The following GRIK1 variants were observed in gnomAD, a reference collection of about 807,000 sequenced individuals.
The protein encoded by GRIK1 is glutamate receptor ionotropic, kainate 1.
A neutral mutation model predicts 105.7 loss-of-function variants in GRIK1; 69 were observed. The observed-to-expected ratio is 0.65, with a 90% CI of 0.54 to 0.80. The LOEUF is 0.80. Ranked by LOEUF, GRIK1 falls within the 30% of genes least tolerant of loss-of-function variation. The probability of loss-of-function intolerance (pLI) is 0.00; values close to 1 mark genes in which losing one functional copy is unlikely to be tolerated. For synonymous variants in GRIK1, 438 were observed against 431.3 expected, an observed-to-expected ratio of 1.02 and a Z score of -0.19; for missense variants, 1,109 against 1,167.3, an observed-to-expected ratio of 0.95 and a Z score of 0.73.
intron 1 of GRIK1, among the ~76,000 whole-genome samples, chr21:29,855,865 AT>A (rs984434548): frequency 7.3e-5 from 11 of 151,632 alleles, no homozygotes; most frequent in Admixed American, 2.0e-4. Context: ...AATGGGAGAG[AT>A]TTTTTTTTCA....
intron 1 of GRIK1, among the ~76,000 whole-genome samples, chr21:29,773,872 TTAAAA>T (rs1569076885): frequency 6.6e-6 from 1 of 152,188 alleles, no homozygotes. Context: ...TTCATTCAAC[TTAAAA>T]TAATAGCAAA....
At chr21:29,842,366 A>G (rs1440186372) in intron 1 of GRIK1, among the ~76,000 whole-genome samples, 2 of 152,162 alleles carry the variant, frequency 1.3e-5, no homozygotes, top group Non-Finnish European at 2.9e-5. Context: ...CATTCTTAGG[A>G]ACATGGAGTG....
intron 1 of GRIK1, among the ~76,000 whole-genome samples, chr21:29,733,426 A>T (rs2064691092): frequency 6.6e-6 from 1 of 152,024 alleles, no homozygotes; most frequent in Non-Finnish European, 1.5e-5. Context: ...ATTTTTGCTA[A>T]ATTTGTATAT....
intron 13 of GRIK1, among the ~76,000 whole-genome samples, chr21:29,579,485 T>A (rs868015033): frequency 3.3e-5 from 5 of 152,208 alleles, no homozygotes; most frequent in South Asian, 2.1e-4. Flanking sequence ...CAGCCAATCC[T>A]GATCCAGACT....
At position 29,581,435 on chromosome 21, in the gene GRIK1, G is replaced by A; in HGVS notation, c.1902C>T (p.Leu634=). The change falls in exon 13 of 18, where the codon CTC becomes CTT. Residue 634 remains leucine (L), a synonymous_variant. Coordinates refer to ENST00000327783, the MANE Select transcript of GRIK1 (RefSeq NM_001330994.2). The part of the protein sequence containing the change: ...LNSFWFGVGA[L]MQQGSELMPK... ...AGGCAACCGGTGTACCTTGCTGCAT[G>A]AGAGCTCCAACTCCAAACCAGAAAC... 6.2e-7 allele frequency: 1 copy of A among 1,603,010 alleles called. No individual in the cohort carries two copies. The highest frequency in any genetic ancestry group is 8.5e-7 in the Non-Finnish European group (1 of 1,170,292).
At chr21:29,640,797 G>A (rs558066658) in intron 7 of GRIK1, among the ~76,000 whole-genome samples, 13 of 152,222 alleles carry the variant, frequency 8.5e-5, no homozygotes, top group Admixed American at 8.5e-4. Context: ...AATCAGGATG[G>A]CGATTCAGGA....
chr21:29,632,299 T>A (rs2062294866), intron 7 of GRIK1, among the ~76,000 whole-genome samples: 1 of 152,192 alleles, frequency 6.6e-6, no homozygotes, highest in Admixed American at 6.5e-5. Flanking sequence ...GTGAGGACTT[T>A]TCTTTGCTCC....
chr21:29,924,468 T>A (rs2071291645), intron 1 of GRIK1, among the ~76,000 whole-genome samples: 1 of 152,270 alleles, frequency 6.6e-6, no homozygotes, highest in East Asian at 1.9e-4. Context: ...ATGGTTACTG[T>A]AAGAAAGGTT....
intron 1 of GRIK1, among the ~76,000 whole-genome samples, chr21:29,845,455 C>T (rs570462894): frequency 2.0e-5 from 3 of 152,166 alleles, no homozygotes; most frequent in East Asian, 3.9e-4. Flanking sequence ...GTTAATCCTG[C>T]GTTGGTTACT....
intron 11 of GRIK1, among the ~76,000 whole-genome samples, chr21:29,587,961 A>ATTTTTTT (rs1555842114): frequency 3.7e-4 from 30 of 81,840 alleles, no homozygotes; most frequent in East Asian, 1.5e-3. Context: ...AAACTTTAAA[A>ATTTTTTT]TTCTTTTTTT....
intron 4 of GRIK1, among the ~76,000 whole-genome samples, chr21:29,672,140 C>T (rs1218396912): frequency 6.6e-6 from 1 of 151,164 alleles, no homozygotes; most frequent in Non-Finnish European, 1.5e-5. Context: ...TCACTGCAAC[C>T]TCTGCCTCCT....
intron 1 of GRIK1, among the ~76,000 whole-genome samples, chr21:29,702,643 G>A (rs1336846964): frequency 5.3e-5 from 8 of 152,036 alleles, no homozygotes; most frequent in Admixed American, 2.0e-4. Context: ...CTTGAGAGGC[G>A]GAGGTTGCAG....
intron 1 of GRIK1, among the ~76,000 whole-genome samples, chr21:29,872,725 G>A (rs373197911): frequency 1.7e-4 from 26 of 152,340 alleles, no homozygotes; most frequent in African/African-American, 6.0e-4. Context: ...CAAAAGAGAA[G>A]CTTGTGCAGG....
chr21:29,587,965 T>A (rs1053296220), intron 11 of GRIK1, among the ~76,000 whole-genome samples: 1 of 59,986 alleles, frequency 1.7e-5, no homozygotes, highest in Non-Finnish European at 2.8e-5. Context: ...TTTAAAATTC[T>A]TTTTTTTTTT....
intron 9 of GRIK1, chr21:29,596,296 A>G: frequency 1.5e-6 from 1 of 660,924 alleles, no homozygotes; most frequent in Non-Finnish European, 2.8e-6. Flanking sequence ...TCTTGGGGGA[A>G]ATATTTAATC....
At chr21:29,816,085 G>T (rs957262681) in intron 1 of GRIK1, among the ~76,000 whole-genome samples, 2 of 151,960 alleles carry the variant, frequency 1.3e-5, no homozygotes, top group African/African-American at 4.8e-5. Context: ...CAAGGAAGAT[G>T]ACTCAACACC....
chr21:29,623,641 A>C (rs2146442705), intron 7 of GRIK1, among the ~76,000 whole-genome samples: 1 of 152,300 alleles, frequency 6.6e-6, no homozygotes, highest in Non-Finnish European at 1.5e-5. Flanking sequence ...CCCTTATTTC[A>C]TGAATAACCT....
chr21:29,906,279 A>C (rs2070636762), intron 1 of GRIK1, among the ~76,000 whole-genome samples: 1 of 152,206 alleles, frequency 6.6e-6, no homozygotes, highest in African/African-American at 2.4e-5. Context: ...ACATGGCTAA[A>C]AGAAACAGCT....
intron 7 of GRIK1, among the ~76,000 whole-genome samples, chr21:29,626,982 A>C (rs2062146397): frequency 6.6e-6 from 1 of 152,192 alleles, no homozygotes; most frequent in Non-Finnish European, 1.5e-5. Flanking sequence ...CTTACTACAC[A>C]AATTCAAAGG....
Sources: allele counts gnomAD v4.1 joint callset (sites outside exome capture counted in the v4.1 genomes callset), GRCh38; gene constraint gnomAD v4.1.1; transcripts MANE v1.5; gene names NCBI Gene and HGNC (gene_info 2026-07-23, HGNC 2026-07-21).